PCDH15: variants seen among roughly 807,000 people sequenced by gnomAD.
PCDH15 encodes the protein protocadherin related 15.
PCDH15 carries 129 observed loss-of-function variants against 178.5 expected under a neutral mutation model. The ratio of observed to expected loss-of-function variants is 0.72; its 90% CI spans 0.63 to 0.84. The LOEUF is 0.84. Among genes scored for constraint, PCDH15 ranks in the 40% least tolerant of loss-of-function variants. PCDH15 has a pLI of 0.00. For synonymous variants in PCDH15, 800 were observed against 732.0 expected, an observed-to-expected ratio of 1.09 and a Z score of -1.50; for missense variants, 2,230 against 2,099.9, an observed-to-expected ratio of 1.06 and a Z score of -1.21.
At chr10:53,995,526 T>G (rs1356469064) in intron 21 of PCDH15, 123 bp downstream of exon 21, 3 of 1,556,392 alleles carry the variant, frequency 1.9e-6, no homozygotes, top group African/African-American at 1.4e-5. Flanking sequence ...GAACATAAAA[T>G]GTATGAATAA....
rs186962466 is a variant in PCDH15 at position 53,982,335 on chromosome 10, A to T, written c.2868+13314T>A. 9.5e-4 allele frequency among the ~76,000 whole-genome samples: 144 copies of T among 152,300 alleles called. 1 individual carries two copies. Among genetic ancestry groups the T allele is most frequent in the Middle Eastern group, 3.4e-3 (1 of 294 alleles). On this transcript the variant is annotated intron_variant, in intron 21 of 37. Coordinates refer to ENST00000644397, the MANE Select transcript of PCDH15 (RefSeq NM_001384140.1). The stretch of plus-strand genomic sequence containing the variant: ...TCATTACTGGGTATATACCCAAAGA[A>T]TTATAAATCATTCTGCTATAAAGAC...
intron 18 of PCDH15, among the ~76,000 whole-genome samples, chr10:54,047,605 T>G (rs2093681956): frequency 6.6e-6 from 1 of 152,028 alleles, no homozygotes; most frequent in Non-Finnish European, 1.5e-5. Flanking sequence ...GTGTTTATTG[T>G]TCCCAACTTT....
intron 2 of PCDH15, among the ~76,000 whole-genome samples, chr10:54,577,728 C>T (rs1335862398): frequency 6.6e-6 from 1 of 151,938 alleles, no homozygotes; most frequent in Non-Finnish European, 1.5e-5. Flanking sequence ...CCCAGTGTGC[C>T]CACTAATAGT....
chr10:53,989,584 C>G (rs1273517432), intron 21 of PCDH15, among the ~76,000 whole-genome samples: 1 of 152,106 alleles, frequency 6.6e-6, no homozygotes, highest in African/African-American at 2.4e-5. Context: ...GGGAGTCAGG[C>G]TGGGACTATA....
intron 1 of PCDH15, among the ~76,000 whole-genome samples, chr10:54,734,524 CCAAATGACCTTG>C (rs1943825801): frequency 6.6e-6 from 1 of 151,818 alleles, no homozygotes; most frequent in Non-Finnish European, 1.5e-5. Flanking sequence ...CATTTAACTA[CCAAATGACCTTG>C]CATCACCACC....
intron 1 of PCDH15, among the ~76,000 whole-genome samples, chr10:55,303,367 A>G (rs1843338785): frequency 6.6e-6 from 1 of 152,188 alleles, no homozygotes; most frequent in South Asian, 2.1e-4. Context: ...CATTAATCAT[A>G]GGGAATGGTG....
chr10:55,286,298 G>T (rs1842867846), intron 1 of PCDH15, among the ~76,000 whole-genome samples: 1 of 151,068 alleles, frequency 6.6e-6, no homozygotes, highest in Non-Finnish European at 1.5e-5. Flanking sequence ...TTATCTAATT[G>T]CTAATTCATA....
At chr10:54,210,359 T>C (rs935564833) in intron 10 of PCDH15, among the ~76,000 whole-genome samples, 2 of 152,068 alleles carry the variant, frequency 1.3e-5, no homozygotes, top group Non-Finnish European at 2.9e-5. Context: ...TTACAACAAA[T>C]GTTTATTAAG....
intron 3 of PCDH15, among the ~76,000 whole-genome samples, chr10:54,886,458 C>T (rs1954360247): frequency 6.6e-6 from 1 of 152,186 alleles, no homozygotes; most frequent in South Asian, 2.1e-4. Context: ...AACTTAGTTG[C>T]CTTAAGAATG....
intron 1 of PCDH15, among the ~76,000 whole-genome samples, chr10:55,292,675 C>A (rs1007833998): frequency 6.6e-6 from 1 of 152,192 alleles, no homozygotes; most frequent in Non-Finnish European, 1.5e-5. Context: ...AGCCACCACA[C>A]CCGTCCCAGG....
intron 3 of PCDH15, among the ~76,000 whole-genome samples, chr10:54,415,745 T>A (rs1416968646): frequency 6.7e-6 from 1 of 150,164 alleles, no homozygotes; most frequent in Admixed American, 6.7e-5. Flanking sequence ...ACAATGAAAA[T>A]ATTAGAAATG....
chr10:54,620,973 A>G (rs1291554956), intron 2 of PCDH15, among the ~76,000 whole-genome samples: 2 of 152,048 alleles, frequency 1.3e-5, no homozygotes, highest in Non-Finnish European at 2.9e-5. Flanking sequence ...CCTAATATTC[A>G]ATGGAGAAGA....
At chr10:54,088,207 C>G (rs1346128466) in intron 16 of PCDH15, among the ~76,000 whole-genome samples, 2 of 152,192 alleles carry the variant, frequency 1.3e-5, no homozygotes, top group Non-Finnish European at 2.9e-5. Flanking sequence ...CATTCTTAGT[C>G]ATACCTGGTT....
At chr10:55,452,042 T>G (rs1465019267) in intron 2 of PCDH15, among the ~76,000 whole-genome samples, 1 of 152,210 alleles carries the variant, frequency 6.6e-6, no homozygotes, top group Non-Finnish European at 1.5e-5. Flanking sequence ...ATTAGTGTCT[T>G]AAAAATGTTG....
chr10:54,927,079 A>C (rs114085524), intron 2 of PCDH15, among the ~76,000 whole-genome samples: 4 of 151,974 alleles, frequency 2.6e-5, no homozygotes, highest in Non-Finnish European at 5.9e-5. Flanking sequence ...AGCATTTAGT[A>C]CTATAAATTT....
At chr10:53,959,910 A>G (rs1589631701) in intron 22 of PCDH15, 66 bp from the exon 23 acceptor site, 3 of 1,216,798 alleles carry the variant, frequency 2.5e-6, no homozygotes. Context: ...CACAATTTTT[A>G]TATGTATGTT....
At chr10:55,472,644 C>T (rs1487230501) in intron 2 of PCDH15, among the ~76,000 whole-genome samples, 1 of 152,190 alleles carries the variant, frequency 6.6e-6, no homozygotes, top group African/African-American at 2.4e-5. Flanking sequence ...TCTGCGCTAA[C>T]TGCAAGCTCC....
chr10:54,331,026 G>T (rs1414865823), intron 6 of PCDH15, among the ~76,000 whole-genome samples: 1 of 151,662 alleles, frequency 6.6e-6, no homozygotes, highest in Non-Finnish European at 1.5e-5. Flanking sequence ...AAGAGAAAGG[G>T]AAGGGGAAGT....
At chr10:54,144,619 A>G (rs2043729510) in intron 14 of PCDH15, among the ~76,000 whole-genome samples, 1 of 152,136 alleles carries the variant, frequency 6.6e-6, no homozygotes. Context: ...CCATCGCCTC[A>G]GCGGCAGCAC....
Sources: gnomAD v4.1 joint callset for allele counts (sites outside exome capture counted in the v4.1 genomes callset) on GRCh38, gnomAD v4.1.1 for gene constraint, MANE v1.5 for transcripts, NCBI Gene and HGNC (gene_info 2026-07-23, HGNC 2026-07-21) for gene names.